Variants in RASA1 observed in about 807,000 individuals in gnomAD.
RASA1 encodes the protein RAS p21 protein activator 1.
In RASA1, 25 loss-of-function variants were observed where a neutral mutation model predicts 132.2. The ratio of observed to expected loss-of-function variants is 0.19; its 90% CI spans 0.14 to 0.26. RASA1 has a LOEUF of 0.26. Ranked by LOEUF, RASA1 falls within the 10% of genes least tolerant of loss-of-function variation. The probability of loss-of-function intolerance (pLI) is 1.00; values close to 1 mark genes in which losing one functional copy is unlikely to be tolerated. For missense variants in RASA1, 964 were observed against 1,299.2 expected, an observed-to-expected ratio of 0.74 and a Z score of 3.97; for synonymous variants, 477 against 449.9, an observed-to-expected ratio of 1.06 and a Z score of -0.76.
chr5:87,286,494 A>G (rs914905718), intron 1 of RASA1, among the ~76,000 whole-genome samples: 7 of 149,254 alleles, frequency 4.7e-5, no homozygotes, highest in African/African-American at 1.7e-4. Flanking sequence ...ATTTAAATTA[A>G]AAAAAAAACT....
chr5:87,359,804 T>C (rs1345727286), intron 9 of RASA1, among the ~76,000 whole-genome samples: 3 of 152,188 alleles, frequency 2.0e-5, no homozygotes, highest in South Asian at 2.1e-4. Context: ...AACAACTTCA[T>C]TGGAAAATGT....
At chr5:87,376,134 CCTT>C (rs988796204) in intron 15 of RASA1, 14 of 503,090 alleles carry the variant, frequency 2.8e-5, no homozygotes, top group Non-Finnish European at 4.3e-5. Flanking sequence ...TGATTTCTTG[CCTT>C]CTTGACTAAA....
At chr5:87,317,720 C>T (rs375665259) in intron 1 of RASA1, among the ~76,000 whole-genome samples, 115 of 151,822 alleles carry the variant, frequency 7.6e-4, no homozygotes, top group Middle Eastern at 3.4e-3. Flanking sequence ...ACTGCAGCCT[C>T]GGCCACCTGG....
chr5:87,338,544 T>TTTC lies in RASA1; in HGVS notation c.1017+455_1017+456insCTT, dbSNP rs1561292586. Reference sequence around the variant, plus strand: ...ATATATATATATATAAAATTTTTTTTTTTTTTAAGTAGAAATGGGGTTTTA... The same window carrying TTTC: ...ATATATATATATATAAAATTTTTTTTTTCTTTTTTAAGTAGAAATGGGGTTTTA... On this transcript the variant is annotated intron_variant, in intron 5 of 24. Coordinates refer to ENST00000274376, the MANE Select transcript of RASA1 (RefSeq NM_002890.3). 7.3e-5 allele frequency among the ~76,000 whole-genome samples: 10 copies of TTTC among 137,910 alleles called. No individual in the cohort carries two copies. In the East Asian group the frequency reaches 1.4e-3, roughly 19 times the overall value. 90.5% of individuals were successfully genotyped at this position (137,910 alleles called of 152,430 possible). A position where few individuals can be genotyped will look rare whatever the true frequency, so the allele number is the denominator to read the frequency against.
At chr5:87,287,397 A>G (rs1436719907) in intron 1 of RASA1, among the ~76,000 whole-genome samples, 1 of 147,774 alleles carries the variant, frequency 6.8e-6, no homozygotes, top group Non-Finnish European at 1.5e-5. Flanking sequence ...TATATATACC[A>G]TATATACACA....
chr5:87,356,149 T>C (rs954654813), intron 9 of RASA1, among the ~76,000 whole-genome samples: 2 of 152,212 alleles, frequency 1.3e-5, no homozygotes, highest in African/African-American at 4.8e-5. Flanking sequence ...GGAGGAATGC[T>C]TCCAGTTTTG....
At chr5:87,334,331 C>A (rs1398640124) in intron 4 of RASA1, among the ~76,000 whole-genome samples, 1 of 152,124 alleles carries the variant, frequency 6.6e-6, no homozygotes, top group Non-Finnish European at 1.5e-5. Flanking sequence ...GAATTTCTTC[C>A]TCCTCCATTT....
At chr5:87,382,921 A>G (rs921102949) in intron 20 of RASA1, among the ~76,000 whole-genome samples, 4 of 149,736 alleles carry the variant, frequency 2.7e-5, no homozygotes, top group Admixed American at 6.6e-5. Flanking sequence ...GCTTTCTACA[A>G]AAATAATTAA....
In RASA1 at chr5:87,376,925, T is replaced by C. The variant is rs779266090; in HGVS notation, c.2229T>C (p.His743=). 2 of 1,610,612 alleles carry C rather than the reference T, an allele frequency of 1.2e-6. No homozygotes were observed. Among genetic ancestry groups the C allele is most frequent in the East Asian group, 2.2e-5 (1 of 44,826 alleles). The change falls in exon 17 of 25, where the codon CAT becomes CAC. Residue 743 remains histidine, a synonymous_variant. Transcript: ENST00000274376. ...KELHVVYALS[H]VCGQDRTLLA... ...TTCATGTAGTCTATGCTTTATCACA[T>C]GTATGTGGACAAGACCGAACACTAC...
chr5:87,362,553 T>C lies in RASA1; in HGVS notation c.1335T>C (p.Asp445=), dbSNP rs758198712. The part of the protein sequence containing the change: ...YYLKEPVPMQ[D]QEQVLNDTVD... Reference sequence around the variant, plus strand: ...TTTTAATGTTTTTTAAAATTCAGGATCAAGAACAAGTACTCAATGACACAG... The same window carrying C: ...TTTTAATGTTTTTTAAAATTCAGGACCAAGAACAAGTACTCAATGACACAG... The change falls in exon 10 of 25, where the codon GAT becomes GAC. Residue 445 remains aspartate, a splice_region_variant and synonymous_variant. Transcript: ENST00000274376. 8 of 1,589,822 alleles carry C rather than the reference T, an allele frequency of 5.0e-6. No individual in the cohort carries two copies. The highest frequency in any genetic ancestry group is 6.9e-6 in the Non-Finnish European group (8 of 1,158,674).
intron 1 of RASA1, among the ~76,000 whole-genome samples, chr5:87,314,480 G>A (rs1411695935): frequency 1.3e-5 from 2 of 152,212 alleles, no homozygotes; most frequent in Non-Finnish European, 2.9e-5. Flanking sequence ...GAAGAAGAGA[G>A]CATAGGAAGG....
At chr5:87,365,264 T>A (rs1268733617) in intron 11 of RASA1, among the ~76,000 whole-genome samples, 1 of 152,138 alleles carries the variant, frequency 6.6e-6, no homozygotes, top group Admixed American at 6.6e-5. Context: ...TTTCAAAAAT[T>A]ATAACACTCG....
intron 1 of RASA1, among the ~76,000 whole-genome samples, chr5:87,280,073 C>A (rs895316088): frequency 6.6e-6 from 1 of 152,226 alleles, no homozygotes; most frequent in African/African-American, 2.4e-5. Flanking sequence ...GGGAACTCAG[C>A]ACGCTGGCTC....
intron 1 of RASA1, among the ~76,000 whole-genome samples, chr5:87,316,729 A>G (rs993812461): frequency 6.6e-6 from 1 of 152,178 alleles, no homozygotes; most frequent in Admixed American, 6.5e-5. Flanking sequence ...AAAGCCTCTC[A>G]CAATTATAGA....
intron 1 of RASA1, among the ~76,000 whole-genome samples, chr5:87,315,522 T>G (rs1003904208): frequency 6.6e-6 from 1 of 152,194 alleles, no homozygotes; most frequent in African/African-American, 2.4e-5. Flanking sequence ...CAAAGGAAAT[T>G]TGGGGGCACA....
At chr5:87,288,840 T>TAC (rs2112263988) in intron 1 of RASA1, among the ~76,000 whole-genome samples, 1 of 152,308 alleles carries the variant, frequency 6.6e-6, no homozygotes, top group African/African-American at 2.4e-5. Flanking sequence ...TTTCTCTTTA[T>TAC]ACACACATGT....
rs746746924 is a variant in RASA1 at position 87,268,426 on chromosome 5, T to C, written c.-26T>C. On this transcript the variant is annotated 5_prime_UTR_variant, in exon 1 of 25. Transcript: ENST00000274376. ...CCCTGGGGCTCCCGGGCGGGCAGGG[T>C]AGGGCAGAGTAGAGCGGGCTTCAAC... The C allele has an allele frequency of 7.2e-6, 11 of 1,522,552 alleles. No individual in the cohort carries two copies. Among genetic ancestry groups the C allele is most frequent in the Non-Finnish European group, 9.7e-6 (11 of 1,132,162 alleles). The allele number at this position is 1,522,552 out of a possible 1,614,324, so 94.3% of individuals were successfully genotyped here.
intron 9 of RASA1, among the ~76,000 whole-genome samples, chr5:87,355,036 G>A (rs1688636941): frequency 1.3e-5 from 2 of 152,212 alleles, no homozygotes; most frequent in South Asian, 2.1e-4. Context: ...TAAGATTTAA[G>A]GAAAGATGCT....
At chr5:87,365,539 T>C (rs904791181) in intron 11 of RASA1, among the ~76,000 whole-genome samples, 1 of 152,120 alleles carries the variant, frequency 6.6e-6, no homozygotes, top group Non-Finnish European at 1.5e-5. Flanking sequence ...GTTTTAATTA[T>C]CGTAAAATAT....
Sources: gnomAD v4.1 joint callset for allele counts (sites outside exome capture counted in the v4.1 genomes callset) on GRCh38, gnomAD v4.1.1 for gene constraint, MANE v1.5 for transcripts, NCBI Gene and HGNC (gene_info 2026-07-23, HGNC 2026-07-21) for gene names.